The following HPCAL1 variants were observed in gnomAD, a reference collection of about 807,000 sequenced individuals.
The protein encoded by HPCAL1 is hippocalcin like 1, also known as hippocalcin-like protein 1.
HPCAL1 carries 8 observed loss-of-function variants against 17.1 expected under a neutral mutation model. That is an observed-to-expected ratio of 0.47 (90% CI 0.27 to 0.84). The LOEUF is 0.84. HPCAL1 is among the 40% of genes least tolerant of loss of function. The probability of loss-of-function intolerance (pLI) is 0.13; values close to 1 mark genes in which losing one functional copy is unlikely to be tolerated. For missense variants in HPCAL1, 165 were observed against 271.1 expected (o/e 0.61, Z 2.75); for synonymous variants, 112 against 111.4 (o/e 1.01, Z -0.03).
intron 3 of HPCAL1, among the ~76,000 whole-genome samples, chr2:10,420,829 C>G (rs536046019): frequency 6.6e-6 from 1 of 152,110 alleles, no homozygotes; most frequent in Non-Finnish European, 1.5e-5. Flanking sequence ...GGCATGATCT[C>G]GGCTCACTGC....
chr2:10,360,505 G>C (rs1259299345), intron 1 of HPCAL1, among the ~76,000 whole-genome samples: 2 of 151,886 alleles, frequency 1.3e-5, no homozygotes, highest in East Asian at 3.9e-4. Context: ...TCTGCCTTAC[G>C]GGTTCAAGCG....
At chr2:10,313,859 G>A (rs755543946) in intron 1 of HPCAL1, among the ~76,000 whole-genome samples, 1 of 152,200 alleles carries the variant, frequency 6.6e-6, no homozygotes, top group Non-Finnish European at 1.5e-5. Flanking sequence ...TGGGCCGGGC[G>A]TGGTGGCTCA....
chr2:10,378,135 G>A (rs1667698309), intron 1 of HPCAL1, among the ~76,000 whole-genome samples: 1 of 151,602 alleles, frequency 6.6e-6, no homozygotes, highest in African/African-American at 2.4e-5. Context: ...CCCTAAGGAT[G>A]GTGCCAGCAT....
intron 2 of HPCAL1, among the ~76,000 whole-genome samples, chr2:10,400,901 G>A (rs1392228750): frequency 3.3e-5 from 5 of 152,232 alleles, no homozygotes; most frequent in Non-Finnish European, 5.9e-5. Context: ...CCTGGCGGGG[G>A]AATCCTAGCC....
intron 1 of HPCAL1, among the ~76,000 whole-genome samples, chr2:10,318,615 G>A (rs1263491754): frequency 6.6e-6 from 1 of 152,134 alleles, no homozygotes; most frequent in Non-Finnish European, 1.5e-5. Context: ...TTGGCCGGGT[G>A]GGCTCGGTTT....
intron 2 of HPCAL1, among the ~76,000 whole-genome samples, chr2:10,399,469 C>T (rs1572818529): frequency 9.2e-6 from 1 of 108,984 alleles, no homozygotes; most frequent in Non-Finnish European, 2.0e-5. Flanking sequence ...ACCACCATCA[C>T]CATCATCACC....
chr2:10,364,498 G>A (rs1458980737), intron 1 of HPCAL1, among the ~76,000 whole-genome samples: 2 of 152,212 alleles, frequency 1.3e-5, no homozygotes, highest in Admixed American at 1.3e-4. Context: ...GGGTGTCCCG[G>A]GGGAGACTCC....
chr2:10,338,340 A>T (rs1259336518), intron 1 of HPCAL1, among the ~76,000 whole-genome samples: 1 of 152,148 alleles, frequency 6.6e-6, no homozygotes, highest in Admixed American at 6.5e-5. Context: ...AAATTGACAA[A>T]TTATTGGGAG....
intron 1 of HPCAL1, among the ~76,000 whole-genome samples, chr2:10,313,723 G>A (rs2160189): frequency 0.74 from 112,226 of 152,128 alleles, 42,290 homozygotes; most frequent in East Asian, 0.91. Context: ...CAGCCTCTAA[G>A]TCCTCTGTCA....
chr2:10,317,913 G>C (rs1236987860), intron 1 of HPCAL1, among the ~76,000 whole-genome samples: 1 of 152,214 alleles, frequency 6.6e-6, no homozygotes, highest in African/African-American at 2.4e-5. Context: ...CTAAACCTCG[G>C]GGCCTGGAAC....
chr2:10,416,580 C>A (rs568181207), intron 2 of HPCAL1, among the ~76,000 whole-genome samples: 2 of 152,228 alleles, frequency 1.3e-5, no homozygotes, highest in African/African-American at 4.8e-5. Context: ...GTTCGAGCAA[C>A]CTGGGCAACA....
intron 4 of HPCAL1, 76 bp from the exon 5 acceptor site, chr2:10,426,648 G>T: frequency 8.4e-7 from 1 of 1,186,344 alleles, no homozygotes; most frequent in South Asian, 1.2e-5. Flanking sequence ...CCTGACCTGA[G>T]AGCTGTCCCC....
At chr2:10,333,654 T>A (rs921956887) in intron 1 of HPCAL1, among the ~76,000 whole-genome samples, 17 of 152,226 alleles carry the variant, frequency 1.1e-4, no homozygotes, top group African/African-American at 3.9e-4. Flanking sequence ...AGAAAGTTTT[T>A]ATTTCTTTAC....
At position 10,367,996 on chromosome 2, in the gene HPCAL1, A is replaced by C. The variant is rs941364641; in HGVS notation, c.-110-28839A>C. Among the ~76,000 whole-genome samples the C allele has an allele frequency of 1.3e-5, 2 of 149,636 alleles. No individual in the cohort carries two copies. Among genetic ancestry groups the C allele is most frequent in the African/African-American group, 4.9e-5 (2 of 40,404 alleles). On this transcript the variant is annotated intron_variant, in intron 1 of 4. Coordinates refer to ENST00000307845, the MANE Select transcript of HPCAL1 (RefSeq NM_002149.4). The surrounding 1 kb of genome is among the most constrained non-coding windows in gnomAD (Gnocchi z 4.4). ...TGTGTATATACCTGTGTAGGTGTGT[A>C]TGTGTGTACATGTGCATTGTAGATG...
Position 10,420,148 on chromosome 2 carries a change from G to A in HPCAL1, c.378+13G>A, listed in dbSNP as rs758741720. On this transcript the variant is annotated intron_variant, in intron 3 of 4. Coordinates refer to ENST00000307845, the MANE Select transcript of HPCAL1 (RefSeq NM_002149.4). ...GGAGATCGTGCAGGTACCGGCGCCC[G>A]AGGCCCCGGGTCTCACCGCGGGCCC... 3.0e-5 allele frequency: 48 copies of A among 1,597,622 alleles called. No individual in the cohort carries two copies. The highest frequency in any genetic ancestry group is 3.8e-5 in the Non-Finnish European group (44 of 1,169,464).
At chr2:10,352,054 C>A (rs929590107) in intron 1 of HPCAL1, among the ~76,000 whole-genome samples, 4 of 151,882 alleles carry the variant, frequency 2.6e-5, no homozygotes, top group Non-Finnish European at 5.9e-5. Context: ...AGGTGCGTAC[C>A]ACCACACCTG....
intron 1 of HPCAL1, among the ~76,000 whole-genome samples, chr2:10,311,910 A>G (rs1245913945): frequency 6.7e-6 from 1 of 150,336 alleles, no homozygotes; most frequent in African/African-American, 2.5e-5. Context: ...CGCTATCATC[A>G]TCATCATTCC....
At chr2:10,425,023 A>G (rs1572877821) in intron 4 of HPCAL1, 1 of 187,238 alleles carries the variant, frequency 5.3e-6, no homozygotes, top group Non-Finnish European at 1.1e-5. Flanking sequence ...CTCCATCAGG[A>G]GGAGCCAGTG....
Position 10,398,977 on chromosome 2 carries a change from C to T in HPCAL1, c.-25+2057C>T, listed in dbSNP as rs748954899. On this transcript the variant is annotated intron_variant, in intron 2 of 4. Transcript: ENST00000307845. ...TAGAGAGTGGGGGAACATCTGGGTC[C>T]GTGTTACCTGGATGTCACCTGCATA... Among the ~76,000 whole-genome samples, 14 of 152,004 alleles carry T rather than the reference C, an allele frequency of 9.2e-5. No individual in the cohort carries two copies. The East Asian group carries it at 1.2e-3, about 13-fold the overall frequency.
Sources: allele counts gnomAD v4.1 joint callset (sites outside exome capture counted in the v4.1 genomes callset), GRCh38; gene constraint gnomAD v4.1.1; non-coding constraint Gnocchi (gnomAD v3.1); transcripts MANE v1.5; gene names NCBI Gene and HGNC (gene_info 2026-07-23, HGNC 2026-07-21).